Variants in SENP1 observed in about 807,000 individuals in gnomAD.
SENP1 encodes the protein sentrin-specific protease 1.
Under a neutral mutation model 93.0 loss-of-function variants are expected in SENP1, and 21 were observed. That is an observed-to-expected ratio of 0.23 (90% CI 0.16 to 0.33). The LOEUF is 0.33. SENP1 is among the 10% of genes least tolerant of loss of function. The pLI is 1.00. For synonymous variants in SENP1, 256 were observed against 259.6 expected (o/e 0.99, Z 0.13); for missense variants, 591 against 758.7 (o/e 0.78, Z 2.60).
chr12:48,045,235 TG>T lies in SENP1; in HGVS notation c.*86del. 9.1e-7 allele frequency: 1 copy of T among 1,099,080 alleles called. No homozygotes were observed. The highest frequency in any genetic ancestry group is 1.4e-6 in the Non-Finnish European group (1 of 723,150). 68.1% of individuals were successfully genotyped at this position (1,099,080 alleles called of 1,614,324 possible). On this transcript the variant is annotated 3_prime_UTR_variant, in exon 18 of 18. Transcript: ENST00000549518. ...CAAGGGTGTTACAACAGCAGAGGGCTGGGAGCAGCTGTTTCCAAGGTCTCTG... is the reference window on the plus strand; with the variant it reads ...CAAGGGTGTTACAACAGCAGAGGGCTGGAGCAGCTGTTTCCAAGGTCTCTG...
chr12:48,053,480 G>GAAAAA (rs56951392), intron 13 of SENP1, among the ~76,000 whole-genome samples: 1 of 79,678 alleles, frequency 1.3e-5, no homozygotes, highest in Non-Finnish European at 2.6e-5. Context: ...CCTGTCTCAG[G>GAAAAA]AAAAAAAAAA....
intron 2 of SENP1, 48 bp from the exon 3 acceptor site, chr12:48,098,172 C>G: frequency 6.4e-7 from 1 of 1,573,388 alleles, no homozygotes. Flanking sequence ...TCTTCAATAA[C>G]GTTTTTCCTA....
At chr12:48,045,713 TA>T (rs1026461520) in intron 17 of SENP1, among the ~76,000 whole-genome samples, 1 of 152,098 alleles carries the variant, frequency 6.6e-6, no homozygotes, top group African/African-American at 2.4e-5. Flanking sequence ...GGCCTAAAAA[TA>T]AAAAATTCAC....
At chr12:48,062,064 G>A (rs1043597025) in intron 13 of SENP1, among the ~76,000 whole-genome samples, 2 of 152,124 alleles carry the variant, frequency 1.3e-5, no homozygotes, top group Admixed American at 1.3e-4. Flanking sequence ...CCAGGGAATG[G>A]AAAATATGTC....
At chr12:48,046,539 A>C in intron 16 of SENP1, 88 bp from the exon 17 acceptor site, 1 of 964,790 alleles carries the variant, frequency 1.0e-6, no homozygotes, top group Non-Finnish European at 1.7e-6. Flanking sequence ...TATAAATTGT[A>C]CAGGTTTCTC....
At chr12:48,074,892 C>T in intron 6 of SENP1, 99 bp from the exon 7 acceptor site, 1 of 759,280 alleles carries the variant, frequency 1.3e-6, no homozygotes, top group Non-Finnish European at 2.2e-6. Flanking sequence ...TGCCAAAGCT[C>T]AGGCAGAATC....
At chr12:48,067,176 T>C (rs1943364977) in intron 9 of SENP1, among the ~76,000 whole-genome samples, 1 of 152,214 alleles carries the variant, frequency 6.6e-6, no homozygotes, top group Admixed American at 6.5e-5. Context: ...TAAAATCATA[T>C]GGATACATAT....
intron 5 of SENP1, among the ~76,000 whole-genome samples, chr12:48,087,256 G>A (rs1944943095): frequency 6.6e-6 from 1 of 152,148 alleles, no homozygotes; most frequent in Non-Finnish European, 1.5e-5. Context: ...AAAAAGTAGA[G>A]AAAAGTATGT....
Position 48,048,923 on chromosome 12 carries a change from A to G in SENP1, c.1611+6T>C, listed in dbSNP as rs1249246956. On this transcript the variant is annotated splice_donor_region_variant and intron_variant, in intron 14 of 17. Transcript: ENST00000549518. The stretch of plus-strand genomic sequence containing the variant: ...ACATTTTATCAAAAATGAAAGGGGT[A>G]CTCACAGCTAGACACCAGTGTACTC... 6.2e-7 allele frequency: 1 copy of G among 1,607,182 alleles called. No homozygotes were observed.
At chr12:48,063,249 C>T (rs17607800) in intron 13 of SENP1, among the ~76,000 whole-genome samples, 8,955 of 151,996 alleles carry the variant, frequency 0.059, 355 homozygotes, top group Non-Finnish European at 0.093. Flanking sequence ...TAAATGGAGG[C>T]GATTTTGGAA....
rs893407393 is a variant in SENP1 at position 48,066,934 on chromosome 12, T to C, written c.1027A>G (p.Lys343Glu). The change falls in exon 10 of 18, where the codon AAA (lysine) becomes GAA (glutamate). Residue 343 changes from lysine to glutamate, a missense_variant. Coordinates refer to ENST00000549518, the MANE Select transcript of SENP1 (RefSeq NM_001267594.2). ...STFFQAELWIKELTSVYDSRA... is the reference protein window; with the variant it reads ...STFFQAELWIEELTSVYDSRA... Reference sequence around the variant, plus strand: ...ATACCAAAAATAACTTACAATTCTTTGATCCACAGCTCTGCCTGGAAGAAA... The same window carrying C: ...ATACCAAAAATAACTTACAATTCTTCGATCCACAGCTCTGCCTGGAAGAAA... 7.7e-6 allele frequency: 12 copies of C among 1,561,308 alleles called. No homozygotes were observed. Among genetic ancestry groups the C allele is most frequent in the Non-Finnish European group, 9.6e-6 (11 of 1,151,030 alleles).
chr12:48,062,993 T>C (rs1259171248), intron 13 of SENP1, among the ~76,000 whole-genome samples: 1 of 152,160 alleles, frequency 6.6e-6, no homozygotes, highest in African/African-American at 2.4e-5. Flanking sequence ...GGGATGCTTA[T>C]GCAAAGAAGG....
In SENP1 at chr12:48,074,371, A is replaced by G. The variant is rs1943917503; in HGVS notation, c.893T>C (p.Val298Ala). Residue 298 changes from valine (V) to alanine (A), a missense_variant, in exon 8 of 18, where the codon GTT becomes GCT. By Grantham distance (64) the Val-to-Ala change is moderately conservative (BLOSUM62 0). This residue lies in a region of SENP1 where 238 missense variants were observed against 259.1 expected (regional missense o/e 0.92). Coordinates refer to ENST00000549518, the MANE Select transcript of SENP1 (RefSeq NM_001267594.2). ...TGCTAAGTTATCTGGCTGATGTGGA[A>G]CAGAGTGGTGATGATGGGGATGATG... ...TLHHPHHHHS[V>A]PHQPDNLAAS... The G allele has an allele frequency of 1.2e-6, 2 of 1,613,878 alleles. No individual in the cohort carries two copies. The highest frequency in any genetic ancestry group is 1.3e-5 in the African/African-American group (1 of 75,048).
chr12:48,064,030 C>A (rs1209401391), intron 12 of SENP1, among the ~76,000 whole-genome samples, 189 bp from the exon 13 acceptor site: 2 of 152,182 alleles, frequency 1.3e-5, no homozygotes. Context: ...TTACTTCTTT[C>A]CACTTCATCT....
intron 9 of SENP1, among the ~76,000 whole-genome samples, chr12:48,071,353 C>T (rs1375223741): frequency 6.7e-5 from 9 of 134,874 alleles, no homozygotes; most frequent in East Asian, 5.8e-4. Context: ...TGGTGGCTCA[C>T]GCCTGTAATC....
intron 4 of SENP1, among the ~76,000 whole-genome samples, chr12:48,091,065 T>TA (rs1461419802): frequency 2.0e-5 from 3 of 152,170 alleles, no homozygotes; most frequent in Non-Finnish European, 4.4e-5. Context: ...GTTCTAATGA[T>TA]AGAGTGATGG....
intron 2 of SENP1, among the ~76,000 whole-genome samples, chr12:48,098,633 A>G (rs1289640362): frequency 1.4e-5 from 2 of 141,814 alleles, no homozygotes; most frequent in African/African-American, 2.7e-5. Context: ...ACAAGAGCAA[A>G]ACTCCATCTC....
chr12:48,065,408 T>C (rs1943233199), intron 11 of SENP1, among the ~76,000 whole-genome samples, 188 bp from the exon 12 acceptor site: 1 of 152,202 alleles, frequency 6.6e-6, no homozygotes, highest in South Asian at 2.1e-4. Context: ...CTATCTATAT[T>C]TGTCTTATGT....
At position 48,087,719 on chromosome 12, in the gene SENP1, C is replaced by G. The variant is rs571829910; in HGVS notation, c.380+1082G>C. Among the ~76,000 whole-genome samples the G allele has an allele frequency of 5.9e-4, 90 of 152,258 alleles. 1 individual carries two copies. In the South Asian group the frequency reaches 6.6e-3, roughly 11 times the overall value. On this transcript the variant is annotated intron_variant, in intron 5 of 17. Coordinates refer to ENST00000549518, the MANE Select transcript of SENP1 (RefSeq NM_001267594.2). ...AATTTTTTAAAAGTTAAGTGAGGAA[C>G]ATGATCCCAGGGAGTATTGACACAT...
Sources: gnomAD v4.1 joint callset for allele counts (sites outside exome capture counted in the v4.1 genomes callset) on GRCh38, gnomAD v4.1.1 for gene constraint, gnomAD v4.1.1 regional missense constraint, MANE v1.5 for transcripts, NCBI Gene and HGNC (gene_info 2026-07-23, HGNC 2026-07-21) for gene names.